Variants in ANO6 observed in about 807,000 individuals in gnomAD.
ANO6 encodes the protein anoctamin-6.
ANO6 carries 106 observed loss-of-function variants against 117.5 expected under a neutral mutation model. That is an observed-to-expected ratio of 0.90 (90% CI 0.77 to 1.06). The LOEUF (loss-of-function observed/expected upper bound fraction) is 1.06. Ranked by LOEUF, ANO6 falls within the 50% of genes least tolerant of loss-of-function variation. The pLI is 0.00. For missense variants in ANO6, 955 were observed against 1,121.1 expected (o/e 0.85, Z 2.12); for synonymous variants, 367 against 385.1 (o/e 0.95, Z 0.55).
intron 1 of ANO6, among the ~76,000 whole-genome samples, chr12:45,288,600 T>C (rs2137271464): frequency 6.6e-6 from 1 of 152,358 alleles, no homozygotes; most frequent in South Asian, 2.1e-4. Context: ...TGAATAATAC[T>C]CCATTATGTT....
Position 45,431,113 on chromosome 12 carries a change from C to G in ANO6, c.*1802C>G, listed in dbSNP as rs186417299. On this transcript the variant is annotated 3_prime_UTR_variant, in exon 20 of 20. Transcript: ENST00000320560. Reference sequence around the variant, plus strand: ...GGCTTTTGAATTGTCCCAGTGGATCCGGGACCCCATTTCACTGTCTCTCTT... The same window carrying G: ...GGCTTTTGAATTGTCCCAGTGGATCGGGGACCCCATTTCACTGTCTCTCTT... 56 of 985,248 alleles carry G rather than the reference C, an allele frequency of 5.7e-5. No individual in the cohort carries two copies. Among genetic ancestry groups the G allele is most frequent in the Non-Finnish European group, 6.6e-5 (55 of 829,930 alleles). The allele number at this position is 985,248 out of a possible 1,614,324, so 61.0% of individuals were successfully genotyped here.
At chr12:45,379,516 C>G (rs1309647622) in intron 10 of ANO6, among the ~76,000 whole-genome samples, 1 of 152,148 alleles carries the variant, frequency 6.6e-6, no homozygotes, top group East Asian at 1.9e-4. Context: ...TGTAATACAC[C>G]TTTCTCCGCC....
chr12:45,397,207 C>A (rs961906150), intron 12 of ANO6, among the ~76,000 whole-genome samples: 1 of 151,588 alleles, frequency 6.6e-6, no homozygotes, highest in Non-Finnish European at 1.5e-5. Context: ...CAAAAGAAGA[C>A]ATCTACACAG....
intron 2 of ANO6, among the ~76,000 whole-genome samples, chr12:45,320,194 CT>C (rs1393101926): frequency 6.6e-6 from 1 of 152,094 alleles, no homozygotes; most frequent in African/African-American, 2.4e-5. Context: ...TTCTCTAGTT[CT>C]TTTAATTGTG....
chr12:45,240,581 G>A lies in ANO6; in HGVS notation c.70+24190G>A, dbSNP rs189279150. On this transcript the variant is annotated intron_variant, in intron 1 of 19. Coordinates refer to ENST00000320560, the MANE Select transcript of ANO6 (RefSeq NM_001025356.3). Reference sequence around the variant, plus strand: ...GGTTAATATTGTTATGTGTAAATTTGATCCCGTCATTATGATCTTCGCTGG... The same window carrying A: ...GGTTAATATTGTTATGTGTAAATTTAATCCCGTCATTATGATCTTCGCTGG... Among the ~76,000 whole-genome samples the A allele has an allele frequency of 3.0e-4, 45 of 151,894 alleles. 1 individual carries two copies. The highest frequency in any genetic ancestry group is 6.8e-3 in the Middle Eastern group (2 of 294).
rs1337842939 is a variant in ANO6, at chr12:45,348,042, G to C, written c.360G>C (p.Lys120Asn). ...TTCCAATATAGGTATTGGATGACAA[G>C]CTTGTATTTGTAAAAGTACACGCAC... ...LEATRSVLDD[K>N]LVFVKVHAPW... is the part of the protein sequence containing the mutation. The change falls in exon 5 of 20, where the codon AAG becomes AAC. Residue 120 changes from lysine (K) to asparagine (N), a missense_variant. Coordinates refer to ENST00000320560, the MANE Select transcript of ANO6 (RefSeq NM_001025356.3). The C allele has an allele frequency of 6.2e-7, 1 of 1,613,764 alleles. No individual in the cohort carries two copies. The highest frequency in any genetic ancestry group is 8.5e-7 in the Non-Finnish European group (1 of 1,179,894).
At chr12:45,428,978 G>T (rs2137732938) in intron 19 of ANO6, 127 bp from the exon 20 acceptor site, 1 of 1,080,220 alleles carries the variant, frequency 9.3e-7, no homozygotes, top group Non-Finnish European at 1.4e-6. Flanking sequence ...ATTAGCGGTT[G>T]GTTGTGTGTG....
At position 45,292,454 on chromosome 12, in the gene ANO6, G is replaced by A. The variant is rs542435955; in HGVS notation, c.71-9560G>A. Among the ~76,000 whole-genome samples the A allele has an allele frequency of 1.1e-4, 17 of 152,298 alleles. No individual in the cohort carries two copies. The South Asian group carries it at 3.1e-3, about 28-fold the overall frequency. ...GAATTATATATTTTAAATGGCTAAA[G>A]TGGCAAACTTTATGCTTATATATTA... On this transcript the variant is annotated intron_variant, in intron 1 of 19. Coordinates refer to ENST00000320560, the MANE Select transcript of ANO6 (RefSeq NM_001025356.3).
At position 45,322,937 on chromosome 12, in the gene ANO6, G is replaced by T. The variant is rs78713055; in HGVS notation, c.151-8358G>T. Among the ~76,000 whole-genome samples the T allele has an allele frequency of 7.3e-3, 1,115 of 152,206 alleles. 7 individuals are homozygous for T. The highest frequency in any genetic ancestry group is 0.023 in the African/African-American group (965 of 41,520). On this transcript the variant is annotated intron_variant, in intron 2 of 19. Transcript: ENST00000320560. ...CAATAGCAGGACTATATCATTGAAC[G>T]TATTTTCCTTTTGCCCTGCTGCCAA...
chr12:45,296,966 T>C (rs937857994), intron 1 of ANO6, among the ~76,000 whole-genome samples: 1 of 152,232 alleles, frequency 6.6e-6, no homozygotes, highest in African/African-American at 2.4e-5. Flanking sequence ...AACAACATGC[T>C]TGTGAATTGT....
chr12:45,342,943 C>A (rs745749648), intron 3 of ANO6, among the ~76,000 whole-genome samples: 1 of 152,116 alleles, frequency 6.6e-6, no homozygotes, highest in Non-Finnish European at 1.5e-5. Flanking sequence ...GGATAGACTT[C>A]TGACACCAAG....
chr12:45,227,765 G>A lies in ANO6; in HGVS notation c.70+11374G>A, dbSNP rs151231222. Among the ~76,000 whole-genome samples, 253 of 152,176 alleles carry A rather than the reference G, an allele frequency of 1.7e-3. 2 individuals carry two copies. The highest frequency in any genetic ancestry group is 5.8e-3 in the African/African-American group (242 of 41,510). ...AGGAACTGCTCAATAGTGGTATTAT[G>A]CCTGTAGGAACTGCTCAACAAGTGT... On this transcript the variant is annotated intron_variant, in intron 1 of 19. Coordinates refer to ENST00000320560, the MANE Select transcript of ANO6 (RefSeq NM_001025356.3).
At chr12:45,305,683 A>G (rs1939644627) in intron 2 of ANO6, among the ~76,000 whole-genome samples, 1 of 152,166 alleles carries the variant, frequency 6.6e-6, no homozygotes, top group African/African-American at 2.4e-5. Context: ...TTCCGTCTTA[A>G]AAGTAGAGAC....
intron 11 of ANO6, among the ~76,000 whole-genome samples, chr12:45,389,270 A>G (rs1206038119): frequency 1.3e-5 from 2 of 152,238 alleles, no homozygotes; most frequent in African/African-American, 4.8e-5. Flanking sequence ...TTCGCAATGT[A>G]AAAGCTTCAA....
intron 19 of ANO6, 101 bp downstream of exon 19, chr12:45,423,163 C>G: frequency 1.1e-6 from 1 of 872,324 alleles, no homozygotes; most frequent in South Asian, 1.3e-5. Flanking sequence ...ATACTTTCTT[C>G]TTATCACTTG....
At chr12:45,233,983 T>C (rs867309112) in intron 1 of ANO6, among the ~76,000 whole-genome samples, 3 of 152,342 alleles carry the variant, frequency 2.0e-5, no homozygotes, top group Middle Eastern at 3.4e-3. Context: ...CTAGAAAATG[T>C]ATTTTGAATT....
chr12:45,257,491 C>T (rs933802861), intron 1 of ANO6, among the ~76,000 whole-genome samples: 2 of 152,168 alleles, frequency 1.3e-5, no homozygotes, highest in Admixed American at 6.5e-5. Flanking sequence ...AAGTTGCATC[C>T]CTTCTGTGTG....
chr12:45,317,827 G>C (rs905956887), intron 2 of ANO6, among the ~76,000 whole-genome samples: 1 of 152,208 alleles, frequency 6.6e-6, no homozygotes, highest in Non-Finnish European at 1.5e-5. Context: ...ACTGGTGTGA[G>C]ATGATACCTC....
intron 1 of ANO6, among the ~76,000 whole-genome samples, chr12:45,285,196 TTAAA>T (rs1459013328): frequency 6.6e-6 from 1 of 152,184 alleles, no homozygotes; most frequent in Non-Finnish European, 1.5e-5. Context: ...CACAGACCTA[TTAAA>T]TAAAGAGCTT....
Sources: gnomAD v4.1 joint callset for allele counts (sites outside exome capture counted in the v4.1 genomes callset) on GRCh38, gnomAD v4.1.1 for gene constraint, MANE v1.5 for transcripts, NCBI Gene and HGNC (gene_info 2026-07-23, HGNC 2026-07-21) for gene names.